MRC2: variants seen among roughly 807,000 people sequenced by gnomAD.
The protein encoded by MRC2 is C-type mannose receptor 2.
Under a neutral mutation model 206.2 loss-of-function variants are expected in MRC2, and 84 were observed. That is an observed-to-expected ratio of 0.41 (90% confidence interval 0.34 to 0.49). MRC2 has a LOEUF of 0.49. MRC2 is among the 20% of genes least tolerant of loss of function. The pLI, the probability that MRC2 is intolerant of heterozygous loss-of-function variation, is 0.31. For synonymous variants in MRC2, 798 were observed against 800.0 expected (o/e 1.00, Z 0.04); for missense variants, 1,676 against 2,001.5 (o/e 0.84, Z 3.10).
rs113107757 is a variant in MRC2, at chr17:62,630,642, C to T, written c.118+2722C>T. 1.0e-3 allele frequency among the ~76,000 whole-genome samples: 156 copies of T among 152,198 alleles called. 1 individual carries two copies. Among genetic ancestry groups the T allele is most frequent in the Non-Finnish European group, 1.9e-3 (129 of 68,006 alleles). On this transcript the variant is annotated intron_variant, in intron 1 of 29. Transcript: ENST00000303375. Reference sequence around the variant, plus strand: ...ACCCCAGGGGACCCTTGGAGGTTTCCGAGCAGAGGAATGAGGGGATAGTTG... The same window carrying T: ...ACCCCAGGGGACCCTTGGAGGTTTCTGAGCAGAGGAATGAGGGGATAGTTG...
chr17:62,668,356 C>CAAAAAA (rs10631546), intron 6 of MRC2, among the ~76,000 whole-genome samples: 11,576 of 121,938 alleles, frequency 0.095, 534 homozygotes, highest in African/African-American at 0.15. Flanking sequence ...GACCCTGCCT[C>CAAAAAA]AAAAAATAAA....
At position 62,646,027 on chromosome 17, in the gene MRC2, T is replaced by A. The variant is rs550183116; in HGVS notation, c.118+18107T>A. On this transcript the variant is annotated intron_variant, in intron 1 of 29. Transcript: ENST00000303375. ...GTCATTTCTCTGTCCTTTTCTATTT[T>A]TTTTTTTTTTTTTTTGAGACGGAGT... 2.2e-3 allele frequency among the ~76,000 whole-genome samples: 321 copies of A among 147,436 alleles called. 1 individual carries two copies. The highest frequency in any genetic ancestry group is 7.6e-3 in the African/African-American group (301 of 39,704).
chr17:62,674,211 T>C, intron 9 of MRC2, 41 bp downstream of exon 9: 1 of 1,426,650 alleles, frequency 7.0e-7, no homozygotes. Flanking sequence ...GGGCCACCTG[T>C]CAGAGGGGCT....
chr17:62,687,303 G>A (rs1568071406), intron 20 of MRC2, among the ~76,000 whole-genome samples: 1 of 152,314 alleles, frequency 6.6e-6, no homozygotes, highest in Non-Finnish European at 1.5e-5. Flanking sequence ...TGGGATTACA[G>A]GCATGTGCCA....
At position 62,666,705 on chromosome 17, in the gene MRC2, G is replaced by T. The variant is rs76093441; in HGVS notation, c.860-52G>T. 1.3e-3 allele frequency: 2,094 copies of T among 1,591,146 alleles called. 25 individuals carry two copies. In the African/African-American group the frequency reaches 0.025, roughly 19 times the overall value. On this transcript the variant is annotated intron_variant, in intron 4 of 29. Coordinates refer to ENST00000303375, the MANE Select transcript of MRC2 (RefSeq NM_006039.5). This position sits in a 1 kb window ranked among gnomAD's most constrained non-coding sequence, Gnocchi z 5.0. ...GGTTGGGGAGAGGGCGATGGGGAGC[G>T]GGGGAGGCTGGGGCTGGGGATCCCC...
intron 1 of MRC2, among the ~76,000 whole-genome samples, chr17:62,635,813 A>T (rs865900089): frequency 6.6e-6 from 1 of 150,740 alleles, no homozygotes; most frequent in Admixed American, 6.6e-5. Flanking sequence ...TCTGAGACGG[A>T]GTCTCGCTCT....
At position 62,644,413 on chromosome 17, in the gene MRC2, C is replaced by T. The variant is rs113731184; in HGVS notation, c.118+16493C>T. 7.4e-3 allele frequency among the ~76,000 whole-genome samples: 1,115 copies of T among 151,110 alleles called. 7 individuals are homozygous for T. Among genetic ancestry groups the T allele is most frequent in the Non-Finnish European group, 0.011 (724 of 67,844 alleles). ...CACCCTGGGCAAAAGAGAAAGACTC[C>T]GTCTGGAAAAATAAAAAAACATGTC... On this transcript the variant is annotated intron_variant, in intron 1 of 29. Coordinates refer to ENST00000303375, the MANE Select transcript of MRC2 (RefSeq NM_006039.5).
At chr17:62,682,085 C>A (rs369516670) in intron 19 of MRC2, 148 bp downstream of exon 19, 2 of 1,097,996 alleles carry the variant, frequency 1.8e-6, no homozygotes. Flanking sequence ...GGACCTGTCT[C>A]CATGGTCCAG....
In MRC2 at chr17:62,652,827, G is replaced by A. The variant is rs1336811222; in HGVS notation, c.119-11721G>A. Reference sequence around the variant, plus strand: ...GGTGGAGGGAGGGGCACACGGTGGCGGGGGGAGGGGCGTGCCGCAGATTGA... The same window carrying A: ...GGTGGAGGGAGGGGCACACGGTGGCAGGGGGAGGGGCGTGCCGCAGATTGA... On this transcript the variant is annotated intron_variant, in intron 1 of 29. Transcript: ENST00000303375. The surrounding 1 kb of genome is among the most constrained non-coding windows in gnomAD (Gnocchi z 4.6). 6.7e-6 allele frequency among the ~76,000 whole-genome samples: 1 copy of A among 148,448 alleles called. No individual in the cohort carries two copies. Among genetic ancestry groups the A allele is most frequent in the South Asian group, 2.2e-4 (1 of 4,532 alleles).
chr17:62,668,458 T>C (rs187218160), intron 6 of MRC2, among the ~76,000 whole-genome samples: 64 of 150,092 alleles, frequency 4.3e-4, no homozygotes, highest in Non-Finnish European at 7.5e-4. Context: ...GGGTGGAGTA[T>C]AGATTCTAAC....
chr17:62,666,289 G>GGGGC lies in MRC2; in HGVS notation c.694+26_694+29dup. 1 of 1,556,280 alleles carries GGGGC rather than the reference G, an allele frequency of 6.4e-7. No homozygotes were observed. Among genetic ancestry groups the GGGGC allele is most frequent in the African/African-American group, 1.4e-5 (1 of 73,668 alleles). ...AAGAGTGAGAGCTGTTGGAGCCGTG[G>GGGGC]GGGCGGGGGCAGTGTTCCTGGAGGG... is the stretch of plus-strand genomic sequence containing the variant. On this transcript the variant is annotated intron_variant, in intron 3 of 29. Coordinates refer to ENST00000303375, the MANE Select transcript of MRC2 (RefSeq NM_006039.5). This position sits in a 1 kb window ranked among gnomAD's most constrained non-coding sequence, Gnocchi z 5.0.
At chr17:62,641,895 C>CTCTGTGTGTGTG (rs56350809) in intron 1 of MRC2, among the ~76,000 whole-genome samples, 13 of 149,954 alleles carry the variant, frequency 8.7e-5, no homozygotes, top group African/African-American at 3.2e-4. Flanking sequence ...ATCTCACTCT[C>CTCTGTGTGTGTG]TGTGTGTGTG....
chr17:62,691,460 T>C (rs1247416203), intron 28 of MRC2, among the ~76,000 whole-genome samples: 1 of 152,072 alleles, frequency 6.6e-6, no homozygotes, highest in Non-Finnish European at 1.5e-5. Context: ...AGTTTCCTCG[T>C]ATGTAAAATG....
In MRC2 at chr17:62,691,128, G is replaced by A. The variant is rs779624827; in HGVS notation, c.4192G>A (p.Ala1398Thr). The change falls in exon 28 of 30, where the codon GCT (alanine) becomes ACT (threonine). Residue 1398 changes from alanine to threonine, a missense_variant and splice_region_variant. This residue lies in a region of MRC2 where 1,354 missense variants were observed against 1,636.6 expected (regional missense o/e 0.83). Transcript: ENST00000303375. ...GGGTGTCGTCTGCAAGCTTCCTCGT[G>A]GTGAGCGCCGGGCAGGCCCACGCTC... ...TMGVVCKLPRAEQSSFSPSAL... is the reference protein window; with the variant it reads ...TMGVVCKLPRTEQSSFSPSAL... The A allele has an allele frequency of 6.2e-7, 1 of 1,600,412 alleles. No individual in the cohort carries two copies.
chr17:62,633,840 C>CAAAAAAAAAAAAAAAAAAAAAAAAA (rs571793821), intron 1 of MRC2, among the ~76,000 whole-genome samples: 1 of 33,892 alleles, frequency 3.0e-5, no homozygotes, highest in Non-Finnish European at 5.1e-5. Flanking sequence ...GACCCTGTCT[C>CAAAAAAAAAAAAAAAAAAAAAAAAA]AAAAAAAAAA....
chr17:62,634,206 C>A (rs2088282960), intron 1 of MRC2, among the ~76,000 whole-genome samples: 1 of 152,148 alleles, frequency 6.6e-6, no homozygotes, highest in Admixed American at 6.5e-5. Flanking sequence ...GTTGCCATGA[C>A]ATTTGTAAAC....
In MRC2 at chr17:62,677,420, G is replaced by C. The variant is rs1409553551; in HGVS notation, c.1986G>C (p.Thr662=). The change falls in exon 12 of 30, where the codon ACG becomes ACC. Residue 662 remains threonine, a synonymous_variant. Coordinates refer to ENST00000303375, the MANE Select transcript of MRC2 (RefSeq NM_006039.5). ...VTPELPGPDP[T]PSLTGSCPQG... Reference sequence around the variant, plus strand: ...CGGAGCTGCCGGGGCCAGATCCCACGCCCAGCCTCACTGGCTCCTGTCCCC... The same window carrying C: ...CGGAGCTGCCGGGGCCAGATCCCACCCCCAGCCTCACTGGCTCCTGTCCCC... 1.9e-6 allele frequency: 3 copies of C among 1,611,864 alleles called. No homozygotes were observed. Among genetic ancestry groups the C allele is most frequent in the South Asian group, 1.1e-5 (1 of 90,820 alleles).
intron 14 of MRC2, 36 bp downstream of exon 14, chr17:62,679,938 G>C (rs763847565): frequency 1.3e-6 from 2 of 1,574,516 alleles, no homozygotes; most frequent in Non-Finnish European, 1.7e-6. Flanking sequence ...CTGCGAGGCC[G>C]GGAGCTTGGT....
chr17:62,666,067 G>A lies in MRC2; in HGVS notation c.521-27G>A. The A allele has an allele frequency of 6.4e-7, 1 of 1,563,724 alleles. No homozygotes were observed. The highest frequency in any genetic ancestry group is 8.7e-7 in the Non-Finnish European group (1 of 1,154,252). On this transcript the variant is annotated intron_variant, in intron 2 of 29. Transcript: ENST00000303375. The surrounding 1 kb of genome is among the most constrained non-coding windows in gnomAD (Gnocchi z 5.0). Reference sequence around the variant, plus strand: ...CAGCCTCTGGTGTCCAGATGCCAAGGGCCTGGCCCCTGTCCACCCCCTGCA... The same window carrying A: ...CAGCCTCTGGTGTCCAGATGCCAAGAGCCTGGCCCCTGTCCACCCCCTGCA...
Sources: gnomAD v4.1 joint callset for allele counts (sites outside exome capture counted in the v4.1 genomes callset) on GRCh38, gnomAD v4.1.1 for gene constraint, gnomAD v4.1.1 regional missense constraint, Gnocchi (gnomAD v3.1) non-coding constraint, MANE v1.5 for transcripts, NCBI Gene and HGNC (gene_info 2026-07-23, HGNC 2026-07-21) for gene names.